Variants in FYCO1 observed in about 807,000 individuals in gnomAD.
FYCO1 encodes FYVE and coiled-coil domain autophagy adaptor 1, also known as FYVE and coiled-coil domain-containing protein 1.
A neutral mutation model predicts 165.1 loss-of-function variants in FYCO1; 122 were observed. That is an observed-to-expected ratio of 0.74 (90% CI 0.64 to 0.86). The LOEUF is 0.86. Among genes scored for constraint, FYCO1 ranks in the 40% least tolerant of loss-of-function variants. The pLI, the probability that FYCO1 is intolerant of heterozygous loss-of-function variation, is 0.00. For synonymous variants in FYCO1, 648 were observed against 742.5 expected, an observed-to-expected ratio of 0.87 and a Z score of 2.07; for missense variants, 1,702 against 1,810.3, an observed-to-expected ratio of 0.94 and a Z score of 1.09.
intron 1 of FYCO1, among the ~76,000 whole-genome samples, chr3:45,989,775 C>A (rs1275929080): frequency 1.3e-5 from 2 of 152,176 alleles, no homozygotes; most frequent in East Asian, 3.9e-4. Context: ...TACAAAACAG[C>A]CACTATTCGA....
At chr3:45,954,872 C>T (rs1233424646) in intron 14 of FYCO1, among the ~76,000 whole-genome samples, 1 of 152,154 alleles carries the variant, frequency 6.6e-6, no homozygotes, top group Non-Finnish European at 1.5e-5. Flanking sequence ...AGGAAACCAG[C>T]CCTGCCAGCA....
chr3:45,970,478 T>C (rs1023307506), intron 6 of FYCO1, among the ~76,000 whole-genome samples: 2 of 152,148 alleles, frequency 1.3e-5, no homozygotes, highest in South Asian at 4.1e-4. Flanking sequence ...GGCAGCACTG[T>C]AACTGGAAAA....
At chr3:45,932,338 T>C (rs1437332298) in intron 15 of FYCO1, among the ~76,000 whole-genome samples, 2 of 152,214 alleles carry the variant, frequency 1.3e-5, no homozygotes, top group Non-Finnish European at 2.9e-5. Flanking sequence ...AACTGTGAAA[T>C]GGGAAGGTGG....
chr3:45,942,355 C>T (rs776858360), intron 14 of FYCO1, among the ~76,000 whole-genome samples: 2 of 152,188 alleles, frequency 1.3e-5, no homozygotes, highest in Admixed American at 6.5e-5. Flanking sequence ...GCCAGGCTTG[C>T]GGTAGAAATG....
Position 45,984,999 on chromosome 3 carries a change from AGTG to A in FYCO1, c.-92_-90del. 1 of 1,279,156 alleles carries A rather than the reference AGTG, an allele frequency of 7.8e-7. No homozygotes were observed. The highest frequency in any genetic ancestry group is 1.1e-6 in the Non-Finnish European group (1 of 874,484). 79.2% of individuals were successfully genotyped at this position (1,279,156 alleles called of 1,614,324 possible). Reference sequence around the variant, plus strand: ...GGCCCTCGGTGGCTGTCTGCTCAGCAGTGGTCAGACTCCATGGTGGCACCTGCA... The same window carrying A: ...GGCCCTCGGTGGCTGTCTGCTCAGCAGTCAGACTCCATGGTGGCACCTGCA... On this transcript the variant is annotated 5_prime_UTR_variant, in exon 2 of 18. Transcript: ENST00000296137.
At chr3:45,987,388 T>C (rs901154699) in intron 1 of FYCO1, among the ~76,000 whole-genome samples, 2 of 151,730 alleles carry the variant, frequency 1.3e-5, no homozygotes, top group Non-Finnish European at 1.5e-5. Context: ...AAAAGGAGCA[T>C]TGGGATGAAT....
In FYCO1 at chr3:45,969,736, T is replaced by G. The variant is rs1575374344; in HGVS notation, c.569A>C (p.Tyr190Ser). The G allele has an allele frequency of 6.2e-7, 1 of 1,613,846 alleles. No individual in the cohort carries two copies. ...GCTGCGGCTAGGGGGTTTCCACAGG[T>G]AAGCAGAAGAGCCAGTGGTCAGCGT... ...RRTLTTGSSA[Y>S]LWKPPSRSSS... is the part of the protein sequence containing the mutation. Residue 190 changes from tyrosine (Y) to serine (S), a missense_variant, in exon 7 of 18, where the codon TAC becomes TCC. Physicochemically the swap from Tyr to Ser is moderately radical, Grantham distance 144. Transcript: ENST00000296137.
At chr3:45,959,365 G>C (rs756140528) in intron 12 of FYCO1, 28 bp downstream of exon 12, 1 of 1,613,254 alleles carries the variant, frequency 6.2e-7, no homozygotes, top group Non-Finnish European at 8.5e-7. Flanking sequence ...CCAGGGTGTT[G>C]GTGCCAACCC....
At chr3:45,947,775 A>G in intron 14 of FYCO1, 1 of 464,462 alleles carries the variant, frequency 2.2e-6, no homozygotes. Context: ...ACCAAGGGGG[A>G]TGACATGTGA....
chr3:45,976,427 A>T (rs1190655000), intron 4 of FYCO1, among the ~76,000 whole-genome samples: 1 of 152,170 alleles, frequency 6.6e-6, no homozygotes, highest in African/African-American at 2.4e-5. Flanking sequence ...GCAAATTAGG[A>T]TTCATATTCC....
At chr3:45,936,724 C>T (rs1703912409) in intron 14 of FYCO1, among the ~76,000 whole-genome samples, 181 bp from the exon 15 acceptor site, 4 of 152,046 alleles carry the variant, frequency 2.6e-5, no homozygotes, top group Non-Finnish European at 5.9e-5. Flanking sequence ...GCTGCAGGGG[C>T]CAGGGCCAAG....
At chr3:45,951,212 G>GAT (rs922031854) in intron 14 of FYCO1, among the ~76,000 whole-genome samples, 2 of 152,180 alleles carry the variant, frequency 1.3e-5, no homozygotes, top group African/African-American at 2.4e-5. Flanking sequence ...ATAACTCCAT[G>GAT]AAAGTCTTCC....
intron 10 of FYCO1, among the ~76,000 whole-genome samples, chr3:45,963,026 T>C (rs1705791991): frequency 6.6e-6 from 1 of 152,162 alleles, no homozygotes; most frequent in African/African-American, 2.4e-5. Flanking sequence ...AATGCAGCTA[T>C]TTCCTAAGGC....
rs182349849 is a variant in FYCO1, at chr3:45,936,976, G to T, written c.3945-433C>A. Among the ~76,000 whole-genome samples the T allele has an allele frequency of 1.2e-3, 187 of 152,266 alleles. 1 individual carries two copies. Among genetic ancestry groups the T allele is most frequent in the Middle Eastern group, 0.01 (3 of 294 alleles). On this transcript the variant is annotated intron_variant, in intron 14 of 17. Transcript: ENST00000296137. Reference sequence around the variant, plus strand: ...CTGGGGCACAAGAACAGGCACCCAGGGGAGATTTTTAACACCTTCTGAATT... The same window carrying T: ...CTGGGGCACAAGAACAGGCACCCAGTGGAGATTTTTAACACCTTCTGAATT...
At chr3:45,948,762 G>A (rs1022026667) in intron 14 of FYCO1, among the ~76,000 whole-genome samples, 3 of 152,194 alleles carry the variant, frequency 2.0e-5, no homozygotes, top group African/African-American at 7.2e-5. Context: ...TGACTTAACA[G>A]TGTGGTTTTG....
chr3:45,962,505 G>T lies in FYCO1; in HGVS notation c.3270-113C>A. 1.0e-6 allele frequency: 1 copy of T among 953,390 alleles called. No homozygotes were observed. Among genetic ancestry groups the T allele is most frequent in the Non-Finnish European group, 1.7e-6 (1 of 583,514 alleles). 59.1% of individuals were successfully genotyped at this position (953,390 alleles called of 1,614,324 possible). A position where few individuals can be genotyped will look rare whatever the true frequency, so the allele number is the denominator to read the frequency against. On this transcript the variant is annotated intron_variant, in intron 10 of 17. Transcript: ENST00000296137. This position sits in a 1 kb window ranked among gnomAD's most constrained non-coding sequence, Gnocchi z 4.4. ...TGCTACTGCCCTCCGCCATGGGGGA[G>T]CCCCTTGGTATCTGCTCACAGCTTA... is the stretch of plus-strand genomic sequence containing the variant.
chr3:45,946,562 G>A, intron 14 of FYCO1: 1 of 1,614,200 alleles, frequency 6.2e-7, no homozygotes, highest in Non-Finnish European at 8.5e-7. Flanking sequence ...AAGACTTCCT[G>A]CAGTTCAGCA....
At chr3:45,939,541 G>A (rs954140037) in intron 14 of FYCO1, among the ~76,000 whole-genome samples, 1 of 152,218 alleles carries the variant, frequency 6.6e-6, no homozygotes, top group Admixed American at 6.5e-5. Flanking sequence ...TAATCCTGCA[G>A]ACTGCCTGCA....
chr3:45,984,055 C>T (rs1707189488), intron 2 of FYCO1, among the ~76,000 whole-genome samples: 1 of 152,186 alleles, frequency 6.6e-6, no homozygotes, highest in African/African-American at 2.4e-5. Context: ...AAAAGTGTCA[C>T]AGCGGACTCT....
Sources: gnomAD v4.1 joint callset for allele counts (sites outside exome capture counted in the v4.1 genomes callset) on GRCh38, gnomAD v4.1.1 for gene constraint, Gnocchi (gnomAD v3.1) non-coding constraint, MANE v1.5 for transcripts, NCBI Gene and HGNC (gene_info 2026-07-23, HGNC 2026-07-21) for gene names.